NRG1: variants seen among roughly 807,000 people sequenced by gnomAD.
NRG1 encodes the protein neuregulin 1, also known as pro-neuregulin-1, membrane-bound isoform.
Under a neutral mutation model 63.8 loss-of-function variants are expected in NRG1, and 18 were observed. The ratio of observed to expected loss-of-function variants is 0.28; its 90% CI spans 0.19 to 0.42. The LOEUF is 0.42. Among genes scored for constraint, NRG1 ranks in the 10% least tolerant of loss-of-function variants. The pLI, the probability that NRG1 is intolerant of heterozygous loss-of-function variation, is 1.00. For synonymous variants in NRG1, 302 were observed against 301.3 expected (o/e 1.00, Z -0.02); for missense variants, 762 against 814.7 (o/e 0.94, Z 0.79).
At chr8:32,590,512 A>G (rs1842347117) in intron 1 of NRG1, among the ~76,000 whole-genome samples, 1 of 152,210 alleles carries the variant, frequency 6.6e-6, no homozygotes, top group South Asian at 2.1e-4. Flanking sequence ...TTATGCTTAG[A>G]TAAGACTTTC....
At chr8:31,652,604 C>G (rs562759326) in intron 1 of NRG1, among the ~76,000 whole-genome samples, 1 of 152,302 alleles carries the variant, frequency 6.6e-6, no homozygotes, top group East Asian at 1.9e-4. Context: ...ATATTGTTCT[C>G]TTTTCCCAGA....
chr8:32,019,038 T>A (rs1428228222), intron 1 of NRG1, among the ~76,000 whole-genome samples: 1 of 152,262 alleles, frequency 6.6e-6, no homozygotes, highest in Non-Finnish European at 1.5e-5. Context: ...TTAGTGAAGA[T>A]GTTCTTTCGA....
chr8:32,412,610 T>C lies in NRG1; in HGVS notation c.38-183218T>C, dbSNP rs1042553849. On this transcript the variant is annotated intron_variant, in intron 1 of 10. Transcript: ENST00000519301. Reference sequence around the variant, plus strand: ...CATGATTTGTGAATATCATAGAATATTCTTACACAAACCTGGATGGTTTGC... The same window carrying C: ...CATGATTTGTGAATATCATAGAATACTCTTACACAAACCTGGATGGTTTGC... Among the ~76,000 whole-genome samples, 10 of 151,820 alleles carry C rather than the reference T, an allele frequency of 6.6e-5. No individual in the cohort carries two copies. The East Asian group carries it at 1.9e-3, about 29-fold the overall frequency.
chr8:32,385,170 T>C (rs1810840939), intron 1 of NRG1, among the ~76,000 whole-genome samples: 1 of 151,416 alleles, frequency 6.6e-6, no homozygotes, highest in African/African-American at 2.4e-5. Flanking sequence ...CAGGCGCCCG[T>C]CACCATGCCC....
chr8:31,831,056 G>A (rs1825104673), intron 1 of NRG1, among the ~76,000 whole-genome samples: 1 of 151,798 alleles, frequency 6.6e-6, no homozygotes, highest in Non-Finnish European at 1.5e-5. Context: ...TCCTCTCTAA[G>A]GTTTCATTTT....
intron 1 of NRG1, among the ~76,000 whole-genome samples, chr8:31,794,391 T>C (rs1182620262): frequency 1.3e-5 from 2 of 151,794 alleles, no homozygotes; most frequent in Non-Finnish European, 2.9e-5. Context: ...AGGATATTGT[T>C]AGCTGTTATA....
intron 1 of NRG1, among the ~76,000 whole-genome samples, chr8:31,801,365 G>A (rs935297411): frequency 4.6e-5 from 7 of 151,924 alleles, no homozygotes; most frequent in African/African-American, 1.7e-4. Context: ...CTTGTGTATT[G>A]GCTATTCTCT....
chr8:31,850,153 G>C (rs1440181618), intron 1 of NRG1, among the ~76,000 whole-genome samples: 1 of 152,062 alleles, frequency 6.6e-6, no homozygotes, highest in Non-Finnish European at 1.5e-5. Context: ...GAAACACCAG[G>C]AGCAATTCCC....
At chr8:32,138,062 T>C (rs898291619) in intron 1 of NRG1, among the ~76,000 whole-genome samples, 2 of 152,086 alleles carry the variant, frequency 1.3e-5, no homozygotes, top group Non-Finnish European at 2.9e-5. Flanking sequence ...GGTGTCCTTG[T>C]TGGAGAAGAG....
chr8:32,770,954 C>T (rs781190868), downstream of NRG1, among the ~76,000 whole-genome samples: 33 of 152,174 alleles, frequency 2.2e-4, no homozygotes, highest in Non-Finnish European at 4.0e-4. Flanking sequence ...TTGACATTTG[C>T]ATATCCCCAT....
At chr8:31,952,014 CT>C (rs1479142590) in intron 1 of NRG1, among the ~76,000 whole-genome samples, 2 of 152,168 alleles carry the variant, frequency 1.3e-5, no homozygotes, top group Non-Finnish European at 2.9e-5. Flanking sequence ...AACCGACTGT[CT>C]TACTTTCCTA....
upstream of NRG1, among the ~76,000 whole-genome samples, chr8:32,545,472 T>C (rs906319452): frequency 2.2e-5 from 3 of 135,706 alleles, no homozygotes; most frequent in African/African-American, 8.7e-5. Flanking sequence ...AATTATACAA[T>C]TGGGTTTTTT....
At chr8:32,236,562 A>G (rs868472492) in intron 1 of NRG1, among the ~76,000 whole-genome samples, 1 of 152,118 alleles carries the variant, frequency 6.6e-6, no homozygotes, top group Non-Finnish European at 1.5e-5. Context: ...GATAGTAGGG[A>G]TGGAAATGGG....
At chr8:32,322,412 A>G (rs1329798215) in intron 1 of NRG1, among the ~76,000 whole-genome samples, 1 of 151,328 alleles carries the variant, frequency 6.6e-6, no homozygotes, top group Non-Finnish European at 1.5e-5. Context: ...GTAGCCATGG[A>G]CATGGAGAGT....
intron 1 of NRG1, among the ~76,000 whole-genome samples, chr8:32,435,576 CATA>C (rs898259951): frequency 6.6e-6 from 1 of 152,082 alleles, no homozygotes; most frequent in Non-Finnish European, 1.5e-5. Flanking sequence ...TATTTGTGGT[CATA>C]ATATTAGCTG....
chr8:31,985,417 G>A (rs1397288268), intron 1 of NRG1, among the ~76,000 whole-genome samples: 3 of 152,028 alleles, frequency 2.0e-5, no homozygotes, highest in Non-Finnish European at 4.4e-5. Flanking sequence ...AATACACCCA[G>A]TACCTCTAAA....
At chr8:32,283,048 G>A (rs1325151049) in intron 1 of NRG1, among the ~76,000 whole-genome samples, 4 of 152,052 alleles carry the variant, frequency 2.6e-5, no homozygotes, top group Non-Finnish European at 4.4e-5. Context: ...GTCCTTAGAA[G>A]AAATACCAAG....
At chr8:32,364,678 T>C (rs1385746437) in intron 1 of NRG1, among the ~76,000 whole-genome samples, 1 of 152,170 alleles carries the variant, frequency 6.6e-6, no homozygotes, top group Non-Finnish European at 1.5e-5. Context: ...TATTTATCTT[T>C]AGTAGAGCTT....
intron 1 of NRG1, among the ~76,000 whole-genome samples, chr8:32,569,670 CT>C (rs1431619802): frequency 6.6e-6 from 1 of 151,974 alleles, no homozygotes; most frequent in African/African-American, 2.4e-5. Flanking sequence ...TTCTGGCTTT[CT>C]TTCATAATTT....
Sources: gnomAD v4.1 joint callset for allele counts (sites outside exome capture counted in the v4.1 genomes callset) on GRCh38, gnomAD v4.1.1 for gene constraint, MANE v1.5 for transcripts, NCBI Gene and HGNC (gene_info 2026-07-23, HGNC 2026-07-21) for gene names.